Variants in FNDC1 observed in about 807,000 individuals in gnomAD.
FNDC1 encodes fibronectin type III domain-containing protein 1.
FNDC1 carries 96 observed loss-of-function variants against 168.0 expected under a neutral mutation model. The ratio of observed to expected loss-of-function variants is 0.57; its 90% CI spans 0.48 to 0.68. FNDC1 has a LOEUF of 0.68. Ranked by LOEUF, FNDC1 falls within the 30% of genes least tolerant of loss-of-function variation. FNDC1 has a pLI of 0.00. For synonymous variants in FNDC1, 1,099 were observed against 1,025.9 expected (o/e 1.07, Z -1.36); for missense variants, 2,587 against 2,482.1 (o/e 1.04, Z -0.90).
intron 4 of FNDC1, among the ~76,000 whole-genome samples, chr6:159,211,004 A>C (rs373015429): frequency 6.6e-6 from 1 of 152,136 alleles, no homozygotes; most frequent in African/African-American, 2.4e-5. Context: ...TCTGGTTCAC[A>C]CTGAACTTCG....
intron 14 of FNDC1, 33 bp from the exon 15 acceptor site, chr6:159,246,868 T>C (rs1235642663): frequency 1.3e-6 from 2 of 1,512,568 alleles, no homozygotes; most frequent in Admixed American, 1.7e-5. Context: ...GAAGGAGCGC[T>C]GGATGACTGG....
At chr6:159,269,478 CTAT>C (rs1777683019) in intron 22 of FNDC1, among the ~76,000 whole-genome samples, 2 of 143,210 alleles carry the variant, frequency 1.4e-5, no homozygotes, top group African/African-American at 5.3e-5. Flanking sequence ...ATCTATCTAT[CTAT>C]CTATCTATCT....
intron 19 of FNDC1, 97 bp from the exon 20 acceptor site, chr6:159,264,878 C>T (rs1777557571): frequency 1.1e-6 from 1 of 946,734 alleles, no homozygotes; most frequent in East Asian, 2.7e-5. Context: ...TTTCTTTATT[C>T]TAATTTGGTT....
chr6:159,175,834 G>C (rs1781749679), intron 1 of FNDC1, among the ~76,000 whole-genome samples: 3 of 152,198 alleles, frequency 2.0e-5, no homozygotes, highest in Admixed American at 2.0e-4. Flanking sequence ...TTGAACCTTT[G>C]AGACTGTATT....
rs373302334 is a variant in FNDC1 at position 159,197,417 on chromosome 6, C to T, written c.110-14C>T. 156 of 1,594,306 alleles carry T rather than the reference C, an allele frequency of 9.8e-5. No homozygotes were observed. The highest frequency in any genetic ancestry group is 3.4e-4 in the African/African-American group (25 of 74,036). ...TGTTATTGCCATGAGTTGATAGTTG[C>T]GCTGTTTACATAGTTGACCACCCAC... is the stretch of plus-strand genomic sequence containing the variant. On this transcript the variant is annotated splice_polypyrimidine_tract_variant and intron_variant, in intron 1 of 22. Transcript: ENST00000297267.
chr6:159,183,908 A>G lies in FNDC1; in HGVS notation c.110-13523A>G, dbSNP rs151259685. Reference sequence around the variant, plus strand: ...TGTCCTTATGAATTCAGCTGCCACCACTGGCTTTCAGTTTTATATCTTTGG... The same window carrying G: ...TGTCCTTATGAATTCAGCTGCCACCGCTGGCTTTCAGTTTTATATCTTTGG... On this transcript the variant is annotated intron_variant, in intron 1 of 22. Coordinates refer to ENST00000297267, the MANE Select transcript of FNDC1 (RefSeq NM_032532.3). Among the ~76,000 whole-genome samples, 262 of 152,316 alleles carry G rather than the reference A, an allele frequency of 1.7e-3. 2 individuals carry two copies. Among genetic ancestry groups the G allele is most frequent in the African/African-American group, 5.9e-3 (246 of 41,572 alleles).
intron 17 of FNDC1, among the ~76,000 whole-genome samples, 189 bp from the exon 18 acceptor site, chr6:159,256,334 A>C (rs1583916469): frequency 6.6e-6 from 1 of 152,176 alleles, no homozygotes; most frequent in Non-Finnish European, 1.5e-5. Flanking sequence ...TGTCATCCCC[A>C]TCTGGATTCA....
chr6:159,270,429 T>C (rs771321346), intron 22 of FNDC1, among the ~76,000 whole-genome samples: 4 of 152,208 alleles, frequency 2.6e-5, no homozygotes, highest in Non-Finnish European at 5.9e-5. Flanking sequence ...TCACCTTTCT[T>C]CATTTTTTTC....
chr6:159,188,771 G>A (rs2114934326), intron 1 of FNDC1, among the ~76,000 whole-genome samples: 1 of 142,742 alleles, frequency 7.0e-6, no homozygotes, highest in Non-Finnish European at 1.5e-5. Flanking sequence ...TTTTTAAGAT[G>A]GAGTCTCACT....
intron 17 of FNDC1, among the ~76,000 whole-genome samples, chr6:159,251,815 T>C (rs183277450): frequency 1.4e-3 from 210 of 152,352 alleles, no homozygotes; most frequent in African/African-American, 4.8e-3. Context: ...TTCATCTTTC[T>C]GGGCCTTGAT....
intron 5 of FNDC1, among the ~76,000 whole-genome samples, chr6:159,216,841 T>A (rs1306001985): frequency 6.6e-6 from 1 of 152,242 alleles, no homozygotes; most frequent in Non-Finnish European, 1.5e-5. Flanking sequence ...ATCAGTTCAG[T>A]ACTCAAGCAA....
At chr6:159,186,593 G>A (rs1234626247) in intron 1 of FNDC1, among the ~76,000 whole-genome samples, 1 of 152,242 alleles carries the variant, frequency 6.6e-6, no homozygotes, top group African/African-American at 2.4e-5. Flanking sequence ...AAGCTGACAT[G>A]CAGCTCCCAG....
intron 19 of FNDC1, among the ~76,000 whole-genome samples, chr6:159,262,967 G>C (rs758685344): frequency 4.3e-4 from 66 of 152,304 alleles, no homozygotes; most frequent in Non-Finnish European, 8.2e-4. Context: ...AAAATGGCTA[G>C]GCGAGCAACA....
At chr6:159,180,246 C>T (rs996455020) in intron 1 of FNDC1, among the ~76,000 whole-genome samples, 14 of 152,140 alleles carry the variant, frequency 9.2e-5, no homozygotes, top group African/African-American at 3.1e-4. Flanking sequence ...TCTGCCTCCA[C>T]GTCATATGGC....
At chr6:159,238,915 G>A (rs548615835) in intron 13 of FNDC1, among the ~76,000 whole-genome samples, 44 of 152,290 alleles carry the variant, frequency 2.9e-4, no homozygotes, top group African/African-American at 9.1e-4. Context: ...CCCTTTCAGA[G>A]GAGGGGTCCG....
chr6:159,248,664 A>G (rs1032529830), intron 15 of FNDC1, among the ~76,000 whole-genome samples: 3 of 152,178 alleles, frequency 2.0e-5, no homozygotes, highest in Non-Finnish European at 4.4e-5. Context: ...TTTATTCTCT[A>G]AAAGGGAACA....
At chr6:159,190,391 GA>G (rs1288109019) in intron 1 of FNDC1, among the ~76,000 whole-genome samples, 2 of 152,238 alleles carry the variant, frequency 1.3e-5, no homozygotes, top group Non-Finnish European at 2.9e-5. Flanking sequence ...GAATGGATTA[GA>G]AGCCCCAGGC....
intron 18 of FNDC1, among the ~76,000 whole-genome samples, chr6:159,258,734 C>G (rs1583918681): frequency 4.6e-5 from 7 of 152,204 alleles, no homozygotes; most frequent in Admixed American, 4.6e-4. Context: ...CAAAACCCTT[C>G]TGAGCAGCTG....
intron 15 of FNDC1, among the ~76,000 whole-genome samples, chr6:159,247,920 C>A (rs1376893490): frequency 1.3e-5 from 2 of 152,204 alleles, no homozygotes; most frequent in African/African-American, 2.4e-5. Flanking sequence ...CTTGTCCACA[C>A]CCAGTGCCGG....
Sources: allele counts gnomAD v4.1 joint callset (sites outside exome capture counted in the v4.1 genomes callset), GRCh38; gene constraint gnomAD v4.1.1; transcripts MANE v1.5; gene names NCBI Gene and HGNC (gene_info 2026-07-23, HGNC 2026-07-21).